Variants in EFCAB6 observed in about 807,000 individuals in gnomAD.
EFCAB6 encodes EF-hand calcium binding domain 6, also known as EF-hand calcium-binding domain-containing protein 6.
EFCAB6 carries 156 observed loss-of-function variants against 169.8 expected under a neutral mutation model. That is an observed-to-expected ratio of 0.92 (90% CI 0.81 to 1.05). The LOEUF is 1.05. Ranked by LOEUF, EFCAB6 falls within the 50% of genes least tolerant of loss-of-function variation. The pLI is 0.00. For missense variants in EFCAB6, 1,800 were observed against 1,829.1 expected (o/e 0.98, Z 0.29); for synonymous variants, 698 against 676.4 (o/e 1.03, Z -0.50).
intron 9 of EFCAB6, among the ~76,000 whole-genome samples, chr22:43,712,966 G>GT: frequency 6.6e-6 from 1 of 152,208 alleles, no homozygotes; most frequent in East Asian, 1.9e-4. Context: ...ATTCAGCAAA[G>GT]TATAAAAAAG....
Position 43,608,706 on chromosome 22 carries a change from C to T in EFCAB6, c.2563-106G>A. 7 of 978,708 alleles carry T rather than the reference C, an allele frequency of 7.2e-6. No homozygotes were observed. The South Asian group carries it at 8.6e-5, about 12-fold the overall frequency. The allele number at this position is 978,708 out of a possible 1,614,324, so 60.6% of individuals were successfully genotyped here. A position where few individuals can be genotyped will look rare whatever the true frequency, so the allele number is the denominator to read the frequency against. On this transcript the variant is annotated intron_variant, in intron 21 of 31. Coordinates refer to ENST00000262726, the MANE Select transcript of EFCAB6 (RefSeq NM_022785.4). The stretch of plus-strand genomic sequence containing the variant: ...TGGGAAACTCTAAGGCATCTGTATC[C>T]CCATCCACCTCCTTAATCACCTTTT...
chr22:43,651,978 G>A (rs1402402537), intron 17 of EFCAB6, among the ~76,000 whole-genome samples: 1 of 152,186 alleles, frequency 6.6e-6, no homozygotes, highest in African/African-American at 2.4e-5. Context: ...TAGGCAGAAG[G>A]GACTTGCCTT....
chr22:43,631,996 C>T (rs1434007868), intron 19 of EFCAB6, 109 bp downstream of exon 19: 4 of 1,475,594 alleles, frequency 2.7e-6, no homozygotes, highest in Non-Finnish European at 3.6e-6. Context: ...CTCTGTGTCC[C>T]TTGGGCTGAC....
At chr22:43,676,385 C>T (rs1446018456) in intron 13 of EFCAB6, among the ~76,000 whole-genome samples, 1 of 147,858 alleles carries the variant, frequency 6.8e-6, no homozygotes, top group African/African-American at 2.5e-5. Flanking sequence ...TGCCACTGCA[C>T]TCCAGCCTGG....
chr22:43,590,576 A>G (rs1228213491), intron 23 of EFCAB6, among the ~76,000 whole-genome samples: 2 of 152,188 alleles, frequency 1.3e-5, no homozygotes, highest in African/African-American at 4.8e-5. Flanking sequence ...CATTCTCAAT[A>G]AACACTAGTT....
At chr22:43,809,994 G>C (rs1399780710) in intron 1 of EFCAB6, among the ~76,000 whole-genome samples, 1 of 152,134 alleles carries the variant, frequency 6.6e-6, no homozygotes, top group Non-Finnish European at 1.5e-5. Flanking sequence ...TAAAACTCTT[G>C]GGTTCAAGTG....
At chr22:43,626,341 A>G (rs1957557599) in intron 20 of EFCAB6, 106 bp downstream of exon 20, 6 of 1,111,890 alleles carry the variant, frequency 5.4e-6, no homozygotes, top group Non-Finnish European at 7.6e-6. Flanking sequence ...GAAAAAAATA[A>G]TCACTCCATT....
At chr22:43,713,567 T>C (rs893430516) in intron 9 of EFCAB6, among the ~76,000 whole-genome samples, 4 of 152,130 alleles carry the variant, frequency 2.6e-5, no homozygotes, top group Non-Finnish European at 5.9e-5. Flanking sequence ...AGCAATAGGA[T>C]ACTGCCCATT....
In EFCAB6 at chr22:43,537,804, C is replaced by T. The variant is rs772494694; in HGVS notation, c.3880-259G>A. On this transcript the variant is annotated intron_variant, in intron 28 of 31. Coordinates refer to ENST00000262726, the MANE Select transcript of EFCAB6 (RefSeq NM_022785.4). The surrounding 1 kb of genome is among the most constrained non-coding windows in gnomAD (Gnocchi z 4.3). ...CATGTAGCCAAGGTTCAAATCTACA[C>T]AGATGAGATGTAAACATATTTCTGC... 3.3e-5 allele frequency among the ~76,000 whole-genome samples: 5 copies of T among 151,844 alleles called. No individual in the cohort carries two copies. Among genetic ancestry groups the T allele is most frequent in the Admixed American group, 6.6e-5 (1 of 15,214 alleles).
chr22:43,674,619 T>TTATAC (rs2057641649), intron 13 of EFCAB6, among the ~76,000 whole-genome samples: 1 of 152,206 alleles, frequency 6.6e-6, no homozygotes, highest in African/African-American at 2.4e-5. Context: ...ATGATCTGTT[T>TTATAC]TATACTAGAC....
At chr22:43,545,624 C>G (rs1420652578) in intron 27 of EFCAB6, among the ~76,000 whole-genome samples, 1 of 152,122 alleles carries the variant, frequency 6.6e-6, no homozygotes, top group Non-Finnish European at 1.5e-5. Context: ...CCTGGAGATC[C>G]TGGCATAATG....
chr22:43,700,558 C>A (rs1603245769), intron 10 of EFCAB6, among the ~76,000 whole-genome samples: 1 of 152,322 alleles, frequency 6.6e-6, no homozygotes, highest in East Asian at 1.9e-4. Flanking sequence ...TAGATTCATG[C>A]AGATTCCCAC....
chr22:43,792,351 C>T (rs553011918), intron 2 of EFCAB6, among the ~76,000 whole-genome samples: 1 of 152,228 alleles, frequency 6.6e-6, no homozygotes, highest in South Asian at 2.1e-4. Context: ...TAATTTGGGC[C>T]AGGGTCTTGA....
intron 7 of EFCAB6, among the ~76,000 whole-genome samples, chr22:43,732,465 C>CTT (rs5845617): frequency 0.06 from 7,124 of 119,178 alleles, 804 homozygotes; most frequent in African/African-American, 0.2. Context: ...TACTGAAATA[C>CTT]TTTTTTTTTT....
chr22:43,709,184 C>T (rs956980815), intron 10 of EFCAB6, among the ~76,000 whole-genome samples: 1 of 152,204 alleles, frequency 6.6e-6, no homozygotes, highest in Non-Finnish European at 1.5e-5. Flanking sequence ...TGGGTTCAAG[C>T]GATTCTCCTG....
chr22:43,693,996 T>C (rs546500717), intron 10 of EFCAB6, among the ~76,000 whole-genome samples: 1 of 151,464 alleles, frequency 6.6e-6, no homozygotes, highest in East Asian at 1.9e-4. Context: ...AAGAGAAAAA[T>C]ACTATCTGAA....
chr22:43,584,926 C>A (rs1333056116), intron 24 of EFCAB6, among the ~76,000 whole-genome samples: 2 of 152,166 alleles, frequency 1.3e-5, no homozygotes, highest in East Asian at 3.9e-4. Context: ...AAAACAAGGA[C>A]ACTGGAGTAA....
At chr22:43,756,032 A>G (rs1347643120) in intron 5 of EFCAB6, among the ~76,000 whole-genome samples, 200 bp from the exon 6 acceptor site, 2 of 152,166 alleles carry the variant, frequency 1.3e-5, no homozygotes, top group Non-Finnish European at 2.9e-5. Context: ...CATCCATAAA[A>G]TGAAATATAG....
chr22:43,569,042 G>A (rs1353387863), intron 26 of EFCAB6, among the ~76,000 whole-genome samples: 13 of 152,274 alleles, frequency 8.5e-5, no homozygotes, highest in Middle Eastern at 3.4e-3. Flanking sequence ...TCCCTTTGGC[G>A]GCCGGCCCTG....
Sources: gnomAD v4.1 joint callset for allele counts (sites outside exome capture counted in the v4.1 genomes callset) on GRCh38, gnomAD v4.1.1 for gene constraint, Gnocchi (gnomAD v3.1) non-coding constraint, MANE v1.5 for transcripts, NCBI Gene and HGNC (gene_info 2026-07-23, HGNC 2026-07-21) for gene names.